The following AQP7B variants were observed in gnomAD, a reference collection of about 807,000 sequenced individuals.
AQP7B encodes the protein aquaporin 7B.
the AQP7B span, among the ~76,000 whole-genome samples, chr2:94,602,336 G>A: frequency 6.6e-6 from 1 of 152,030 alleles, no homozygotes; most frequent in South Asian, 2.1e-4. Flanking sequence ...CAGTGAGGAG[G>A]GAAGGCTCTG....
At chr2:94,603,304 C>A in the AQP7B span, 1 of 1,484,204 alleles carries the variant, frequency 6.7e-7, no homozygotes, top group East Asian at 2.3e-5. Flanking sequence ...CCCCCACCCT[C>A]TAACCTATAA....
the AQP7B span, among the ~76,000 whole-genome samples, chr2:94,589,032 G>C: frequency 6.7e-6 from 1 of 149,140 alleles, no homozygotes; most frequent in Non-Finnish European, 1.5e-5. Flanking sequence ...ACCCAGGCTG[G>C]AGTGCAATAG....
chr2:94,588,062 CTGTG>C, the AQP7B span, among the ~76,000 whole-genome samples: 13 of 148,640 alleles, frequency 8.7e-5, no homozygotes, highest in South Asian at 2.1e-4. Flanking sequence ...TGTTCACCTT[CTGTG>C]TGTGTGTGTG....
At chr2:94,603,822 C>A in the AQP7B span, 1 of 1,494,806 alleles carries the variant, frequency 6.7e-7, no homozygotes, top group Non-Finnish European at 9.3e-7. Context: ...TCGTGGTCAT[C>A]ATCAGGGTGT....
At chr2:94,602,332 G>C in the AQP7B span, among the ~76,000 whole-genome samples, 9 of 151,914 alleles carry the variant, frequency 5.9e-5, no homozygotes, top group Non-Finnish European at 1.2e-4. Context: ...GAGGCAGTGA[G>C]GAGGGAAGGC....
the AQP7B span, among the ~76,000 whole-genome samples, chr2:94,595,458 A>G: frequency 5.3e-5 from 8 of 152,008 alleles, no homozygotes; most frequent in African/African-American, 7.2e-5. Flanking sequence ...AAGAAAAAAA[A>G]AGAGAGAGAG....
the AQP7B span, chr2:94,602,700 C>G: frequency 8.7e-5 from 119 of 1,369,560 alleles, 2 homozygotes; most frequent in South Asian, 6.4e-4. Flanking sequence ...CAGCTCCTTT[C>G]CCAGCACAGC....
the AQP7B span, among the ~76,000 whole-genome samples, chr2:94,588,066 G>C: frequency 6.6e-6 from 1 of 151,934 alleles, no homozygotes; most frequent in African/African-American, 2.4e-5. Flanking sequence ...CACCTTCTGT[G>C]TGTGTGTGTG....
At chr2:94,594,935 C>T in the AQP7B span, 3 of 947,274 alleles carry the variant, frequency 3.2e-6, no homozygotes, top group African/African-American at 4.9e-5. Flanking sequence ...GACCCCCTCC[C>T]CATGCTGACC....
chr2:94,595,064 G>A, the AQP7B span, among the ~76,000 whole-genome samples: 1 of 152,200 alleles, frequency 6.6e-6, no homozygotes, highest in East Asian at 1.9e-4. Context: ...CTCATAATAT[G>A]TGGGGGTCAA....
At chr2:94,589,563 A>G in the AQP7B span, among the ~76,000 whole-genome samples, 1 of 151,864 alleles carries the variant, frequency 6.6e-6, no homozygotes, top group African/African-American at 2.4e-5. Context: ...CGCTTATACA[A>G]ATGAACTTAC....
chr2:94,598,084 G>C, the AQP7B span, among the ~76,000 whole-genome samples: 5 of 152,176 alleles, frequency 3.3e-5, no homozygotes, highest in African/African-American at 1.2e-4. Flanking sequence ...AAAAATTCTT[G>C]CTGTGCAGAT....
the AQP7B span, chr2:94,603,379 G>A: frequency 1.2e-5 from 19 of 1,601,550 alleles, no homozygotes; most frequent in Non-Finnish European, 1.4e-5. Context: ...CTGTGTCTCC[G>A]CAGCGGCCAT....
At chr2:94,604,432 C>A in the AQP7B span, 7 of 1,611,516 alleles carry the variant, frequency 4.3e-6, no homozygotes, top group Admixed American at 3.3e-5. Context: ...ATGAAGACCA[C>A]GGGATAACCG....
the AQP7B span, among the ~76,000 whole-genome samples, chr2:94,596,274 T>C: frequency 1.5e-4 from 23 of 152,336 alleles, no homozygotes; most frequent in South Asian, 4.6e-3. Flanking sequence ...GGTTGCTCCC[T>C]CTCCACCTGC....
chr2:94,604,408 G>C, the AQP7B span: 1 of 1,611,532 alleles, frequency 6.2e-7, no homozygotes, highest in African/African-American at 1.3e-5. Context: ...TGAAATTGGA[G>C]GACTCTGTGG....
chr2:94,595,780 A>G, the AQP7B span, among the ~76,000 whole-genome samples: 1 of 152,144 alleles, frequency 6.6e-6, no homozygotes, highest in African/African-American at 2.4e-5. Flanking sequence ...AGCGCCGATG[A>G]GCTGTTCTGG....
the AQP7B span, among the ~76,000 whole-genome samples, chr2:94,591,219 C>A: frequency 6.6e-6 from 1 of 152,096 alleles, no homozygotes; most frequent in African/African-American, 2.4e-5. Context: ...TGCCTCCTCA[C>A]TGGCCATCCC....
chr2:94,604,068 C>T, the AQP7B span: 2 of 694,450 alleles, frequency 2.9e-6, no homozygotes, highest in East Asian at 5.4e-5. Flanking sequence ...GAGTGAGTCC[C>T]AACATTTCCC....
Sources: allele counts gnomAD v4.1 joint callset (sites outside exome capture counted in the v4.1 genomes callset), GRCh38; gene constraint gnomAD v4.1.1; transcripts MANE v1.5; gene names NCBI Gene and HGNC (gene_info 2026-07-23, HGNC 2026-07-21).